Variants in SHC3 observed in about 807,000 individuals in gnomAD.
SHC3 encodes SHC-transforming protein 3.
SHC3 carries 15 observed loss-of-function variants against 60.4 expected under a neutral mutation model. The ratio of observed to expected loss-of-function variants is 0.25; its 90% CI spans 0.17 to 0.38. The LOEUF (loss-of-function observed/expected upper bound fraction) is 0.38, where lower values mean the gene tolerates loss of function less well. SHC3 is among the 10% of genes least tolerant of loss of function. SHC3 has a pLI of 1.00. For missense variants in SHC3, 677 were observed against 786.1 expected, an observed-to-expected ratio of 0.86 and a Z score of 1.66; for synonymous variants, 294 against 325.9, an observed-to-expected ratio of 0.90 and a Z score of 1.05.
chr9:89,028,995 A>G (rs532822284), intron 11 of SHC3, among the ~76,000 whole-genome samples: 213 of 148,986 alleles, frequency 1.4e-3, no homozygotes, highest in African/African-American at 4.9e-3. Context: ...AGATATCTAT[A>G]TAGATATCTA....
intron 11 of SHC3, among the ~76,000 whole-genome samples, chr9:89,027,505 A>C (rs963578685): frequency 2.6e-5 from 4 of 151,654 alleles, no homozygotes; most frequent in African/African-American, 9.7e-5. Flanking sequence ...TTTAGTAGAA[A>C]CGGGGTTTCA....
chr9:89,109,300 C>A, intron 2 of SHC3: 4 of 778,084 alleles, frequency 5.1e-6, no homozygotes, highest in Non-Finnish European at 6.2e-6. Flanking sequence ...GGGGTCCCTC[C>A]TCCGGTCATG....
chr9:89,109,602 C>G (rs114504928), intron 2 of SHC3: 1 of 985,360 alleles, frequency 1.0e-6, no homozygotes, highest in Non-Finnish European at 1.2e-6. Flanking sequence ...GACGCAGTTG[C>G]GAAGCTGTGC....
chr9:89,170,541 A>G (rs535995830), intron 1 of SHC3, among the ~76,000 whole-genome samples: 56 of 152,254 alleles, frequency 3.7e-4, no homozygotes, highest in African/African-American at 1.3e-3. Flanking sequence ...GCTATTCGGG[A>G]GGCTGAGGAG....
intron 1 of SHC3, among the ~76,000 whole-genome samples, chr9:89,161,681 C>A (rs1319090946): frequency 1.3e-5 from 2 of 151,576 alleles, no homozygotes; most frequent in East Asian, 3.9e-4. Flanking sequence ...AAAACTGGCA[C>A]AAGACAGGGA....
chr9:89,168,464 CA>C (rs535409985), intron 1 of SHC3, among the ~76,000 whole-genome samples: 33 of 141,930 alleles, frequency 2.3e-4, no homozygotes, highest in Middle Eastern at 3.6e-3. Flanking sequence ...AACTCTGTCT[CA>C]AAAAAAAAAA....
chr9:89,063,666 C>G (rs1825128863), intron 6 of SHC3, among the ~76,000 whole-genome samples: 1 of 152,234 alleles, frequency 6.6e-6, no homozygotes, highest in African/African-American at 2.4e-5. Flanking sequence ...ACCTCCTAGA[C>G]CAGCCCAGAC....
intron 2 of SHC3, among the ~76,000 whole-genome samples, chr9:89,091,681 C>A (rs1310336263): frequency 6.6e-6 from 1 of 152,106 alleles, no homozygotes; most frequent in Non-Finnish European, 1.5e-5. Flanking sequence ...GTTGTGCAAC[C>A]ATTACCATTA....
intron 6 of SHC3, among the ~76,000 whole-genome samples, chr9:89,060,332 T>C (rs1342683855): frequency 6.7e-6 from 1 of 149,544 alleles, no homozygotes; most frequent in Non-Finnish European, 1.5e-5. Context: ...TGTAGGACAG[T>C]CGTGGAGGAC....
chr9:89,094,116 A>G (rs564414299), intron 2 of SHC3, among the ~76,000 whole-genome samples: 73 of 151,918 alleles, frequency 4.8e-4, no homozygotes, highest in South Asian at 4.8e-3. Flanking sequence ...AAAAAAAAAA[A>G]AAAAGAAAAG....
chr9:89,050,381 G>A (rs1230818526), intron 7 of SHC3, among the ~76,000 whole-genome samples: 2 of 152,206 alleles, frequency 1.3e-5, no homozygotes, highest in Non-Finnish European at 2.9e-5. Flanking sequence ...CACCTCCCGA[G>A]TTCAAGTGAT....
chr9:89,112,893 G>A lies in SHC3; in HGVS notation c.475-267C>T, dbSNP rs11137517. ...CTTATTTGGATGTACACTTTTTAAA[G>A]TTTTTATGGAAGTATAACTTATATA... On this transcript the variant is annotated intron_variant, in intron 1 of 11. Coordinates refer to ENST00000375835, the MANE Select transcript of SHC3 (RefSeq NM_016848.6). Among the ~76,000 whole-genome samples, 140 of 152,150 alleles carry A rather than the reference G, an allele frequency of 9.2e-4. 1 individual carries two copies. The highest frequency in any genetic ancestry group is 3.3e-3 in the African/African-American group (139 of 41,530).
At chr9:89,161,574 A>G (rs537673866) in intron 1 of SHC3, among the ~76,000 whole-genome samples, 3 of 152,332 alleles carry the variant, frequency 2.0e-5, no homozygotes, top group South Asian at 2.1e-4. Context: ...TCAGGCTGCC[A>G]TAACAAATAT....
At chr9:89,059,073 T>C (rs1587702290) in intron 6 of SHC3, among the ~76,000 whole-genome samples, 1 of 125,464 alleles carries the variant, frequency 8.0e-6, no homozygotes, top group Non-Finnish European at 1.7e-5. Flanking sequence ...GAGGACGTGG[T>C]AAAGGACGTG....
intron 1 of SHC3, among the ~76,000 whole-genome samples, chr9:89,117,598 G>A (rs1826036529): frequency 6.6e-6 from 1 of 151,964 alleles, no homozygotes; most frequent in Admixed American, 6.6e-5. Flanking sequence ...GTTGTTAGAG[G>A]TATTTTGGGA....
intron 3 of SHC3, among the ~76,000 whole-genome samples, chr9:89,076,167 G>A (rs150166625): frequency 6.6e-6 from 1 of 152,226 alleles, no homozygotes; most frequent in East Asian, 1.9e-4. Flanking sequence ...CCTGGAAGAT[G>A]AGATTCCCCT....
At chr9:89,146,652 TCTC>T (rs1260616586) in intron 1 of SHC3, among the ~76,000 whole-genome samples, 1 of 152,156 alleles carries the variant, frequency 6.6e-6, no homozygotes, top group East Asian at 1.9e-4. Flanking sequence ...GAGGCCCTCA[TCTC>T]CTTTGGGCTG....
At chr9:89,034,315 T>G (rs1168481434) in intron 11 of SHC3, among the ~76,000 whole-genome samples, 2 of 152,232 alleles carry the variant, frequency 1.3e-5, no homozygotes, top group Non-Finnish European at 2.9e-5. Context: ...GCATTCAGTA[T>G]GTATTTGTTG....
At chr9:89,167,487 T>C (rs2118258902) in intron 1 of SHC3, among the ~76,000 whole-genome samples, 1 of 152,224 alleles carries the variant, frequency 6.6e-6, no homozygotes, top group South Asian at 2.1e-4. Flanking sequence ...AGTCAGAGGA[T>C]GAAAGGAGGC....
Sources: allele counts gnomAD v4.1 joint callset (sites outside exome capture counted in the v4.1 genomes callset), GRCh38; gene constraint gnomAD v4.1.1; transcripts MANE v1.5; gene names NCBI Gene and HGNC (gene_info 2026-07-23, HGNC 2026-07-21).